Variants in DISC1 observed in about 807,000 individuals in gnomAD.
The protein encoded by DISC1 is disrupted in schizophrenia 1 protein.
In DISC1, 57 loss-of-function variants were observed where a neutral mutation model predicts 84.5. The observed-to-expected ratio is 0.67, with a 90% confidence interval of 0.55 to 0.84. The LOEUF (loss-of-function observed/expected upper bound fraction) is 0.84, where lower values mean the gene tolerates loss of function less well. Ranked by LOEUF, DISC1 falls within the 40% of genes least tolerant of loss-of-function variation. The pLI is 0.00. For synonymous variants in DISC1, 411 were observed against 415.2 expected (o/e 0.99, Z 0.12); for missense variants, 1,000 against 1,057.8 (o/e 0.95, Z 0.76).
At position 231,737,532 on chromosome 1, in the gene DISC1, G is replaced by A. The variant is rs75282032; in HGVS notation, c.1118-12394G>A. Among the ~76,000 whole-genome samples the A allele has an allele frequency of 1.8e-3, 276 of 152,314 alleles. 5 individuals carry two copies. The East Asian group carries it at 0.026, about 15-fold the overall frequency. On this transcript the variant is annotated intron_variant, in intron 3 of 12. Transcript: ENST00000439617. The stretch of plus-strand genomic sequence containing the variant: ...ATAAAGAAAAGTCAGAGAAAGGTGA[G>A]TTATGTTTTTTTTGACCACTGGGCC...
chr1:232,039,549 CTTAGAGTATCAT>C lies in DISC1; in HGVS notation c.*2720_*2731del, dbSNP rs1670694367. The C allele has an allele frequency of 6.6e-6, 1 of 152,024 alleles. No individual in the cohort carries two copies. The allele number at this position is 152,024 out of a possible 1,614,324, so 9.4% of individuals were successfully genotyped here. ...AACTCATCTGTTGTCTTTGCTTGGT[CTTAGAGTATCAT>C]TCAGAAAGTCCGCTAAGGGCCAGCG... On this transcript the variant is annotated 3_prime_UTR_variant, in exon 13 of 13. Coordinates refer to ENST00000439617, the MANE Select transcript of DISC1 (RefSeq NM_018662.3).
chr1:231,893,842 G>A (rs1437819107), intron 9 of DISC1, among the ~76,000 whole-genome samples: 2 of 152,158 alleles, frequency 1.3e-5, no homozygotes, highest in Admixed American at 6.5e-5. Context: ...AGAGAAGGAG[G>A]ACTTATGAAC....
At chr1:231,667,143 G>A (rs2062097138) in intron 1 of DISC1, among the ~76,000 whole-genome samples, 1 of 152,174 alleles carries the variant, frequency 6.6e-6, no homozygotes, top group Admixed American at 6.5e-5. Context: ...TTAAAAGAAG[G>A]AGGAACTGGT....
At chr1:231,867,663 G>C (rs1374336032) in intron 9 of DISC1, among the ~76,000 whole-genome samples, 1 of 152,130 alleles carries the variant, frequency 6.6e-6, no homozygotes, top group African/African-American at 2.4e-5. Flanking sequence ...ATTTGTTATT[G>C]TCGTGTTACC....
intron 9 of DISC1, among the ~76,000 whole-genome samples, chr1:231,820,676 A>C (rs1009620272): frequency 6.6e-6 from 1 of 152,152 alleles, no homozygotes; most frequent in South Asian, 2.1e-4. Context: ...AGCCACATGC[A>C]TGTCCAAGTC....
chr1:231,647,603 T>G (rs1423383226), intron 1 of DISC1, among the ~76,000 whole-genome samples: 1 of 152,200 alleles, frequency 6.6e-6, no homozygotes, highest in Non-Finnish European at 1.5e-5. Flanking sequence ...AAGAAAGTCA[T>G]TGGTAGCTTG....
intron 4 of DISC1, among the ~76,000 whole-genome samples, chr1:231,750,798 GTT>G (rs1376349453): frequency 1.3e-5 from 2 of 152,154 alleles, no homozygotes; most frequent in Non-Finnish European, 2.9e-5. Context: ...GGGAACAGGT[GTT>G]TTATGAATGC....
rs114705498 is a variant in DISC1 at position 231,942,189 on chromosome 1, G to A, written c.1982-16639G>A. 2.9e-3 allele frequency among the ~76,000 whole-genome samples: 444 copies of A among 152,294 alleles called. 4 individuals are homozygous for A. Among genetic ancestry groups the A allele is most frequent in the African/African-American group, 0.011 (438 of 41,562 alleles). The stretch of plus-strand genomic sequence containing the variant: ...GAAAGCCAGTGCAGGTATCAAGCAG[G>A]TTTTTCTGGGATCTACTTCCAGGAA... On this transcript the variant is annotated intron_variant, in intron 9 of 12. Coordinates refer to ENST00000439617, the MANE Select transcript of DISC1 (RefSeq NM_018662.3).
At chr1:231,637,957 C>CAATAGTGTTT in intron 1 of DISC1, among the ~76,000 whole-genome samples, 1 of 152,182 alleles carries the variant, frequency 6.6e-6, no homozygotes, top group East Asian at 1.9e-4. Context: ...ACATTCTCAC[C>CAATAGTGTTT]AATAGTGTTT....
At chr1:231,969,484 G>A (rs1008105342) in intron 10 of DISC1, among the ~76,000 whole-genome samples, 1 of 151,910 alleles carries the variant, frequency 6.6e-6, no homozygotes, top group African/African-American at 2.4e-5. Flanking sequence ...GATTTGGGGA[G>A]CTCCAAGGCC....
intron 9 of DISC1, among the ~76,000 whole-genome samples, chr1:231,852,629 T>G (rs2083981602): frequency 6.6e-6 from 1 of 152,266 alleles, no homozygotes; most frequent in Non-Finnish European, 1.5e-5. Flanking sequence ...CTCTGATTCC[T>G]CAGGCTTCAC....
chr1:231,907,088 T>TTCCC lies in DISC1; in HGVS notation c.1982-51732_1982-51729dup, dbSNP rs141647093. 6.2e-3 allele frequency among the ~76,000 whole-genome samples: 259 copies of TTCCC among 41,656 alleles called. 24 individuals carry two copies. The highest frequency in any genetic ancestry group is 9.2e-3 in the African/African-American group (111 of 12,078). The allele number at this position is 41,656 out of a possible 152,430, so 27.3% of individuals were successfully genotyped here. On this transcript the variant is annotated intron_variant, in intron 9 of 12. Transcript: ENST00000439617. ...TTCCTTCCCTCCCTCCCTTCCTTCCTTCCCTCCCTCCTTCCTTCTCTCCTT... is the reference window on the plus strand; with the variant it reads ...TTCCTTCCCTCCCTCCCTTCCTTCCTTCCCTCCCTCCCTCCTTCCTTCTCTCCTT...
intron 4 of DISC1, among the ~76,000 whole-genome samples, chr1:231,752,781 G>C (rs1047332813): frequency 1.3e-5 from 2 of 152,188 alleles, no homozygotes; most frequent in South Asian, 4.1e-4. Context: ...AAACCAGTCA[G>C]TTACTTCCAA....
chr1:231,830,210 G>A (rs903433610), intron 9 of DISC1, among the ~76,000 whole-genome samples: 1 of 152,192 alleles, frequency 6.6e-6, no homozygotes, highest in East Asian at 1.9e-4. Flanking sequence ...CTTCGAGCGG[G>A]ATTAGGGCGG....
intron 6 of DISC1, among the ~76,000 whole-genome samples, chr1:231,794,027 A>AC (rs968811075): frequency 2.0e-5 from 3 of 151,986 alleles, no homozygotes; most frequent in East Asian, 3.9e-4. Flanking sequence ...CAGGTGATCC[A>AC]CCCCCCAAGG....
intron 1 of DISC1, among the ~76,000 whole-genome samples, chr1:231,647,033 A>G (rs2060197331): frequency 6.6e-6 from 1 of 152,114 alleles, no homozygotes; most frequent in African/African-American, 2.4e-5. Flanking sequence ...CTCTGATGGT[A>G]GTTTCTGTTG....
intron 9 of DISC1, among the ~76,000 whole-genome samples, chr1:231,952,693 A>G (rs567839001): frequency 1.1e-5 from 1 of 92,092 alleles, no homozygotes; most frequent in Non-Finnish European, 2.2e-5. Context: ...ATATATGTTT[A>G]TATATATATA....
chr1:231,907,688 C>G (rs2088845663), intron 9 of DISC1, among the ~76,000 whole-genome samples: 1 of 152,026 alleles, frequency 6.6e-6, no homozygotes, highest in Non-Finnish European at 1.5e-5. Context: ...GGGTATATAC[C>G]CAGTAATGGG....
chr1:231,678,428 A>G (rs2063364874), intron 1 of DISC1, among the ~76,000 whole-genome samples: 2 of 152,314 alleles, frequency 1.3e-5, no homozygotes, highest in South Asian at 4.1e-4. Context: ...GATCATCTAT[A>G]GACTGAGAGA....
Sources: allele counts gnomAD v4.1 joint callset (sites outside exome capture counted in the v4.1 genomes callset), GRCh38; gene constraint gnomAD v4.1.1; transcripts MANE v1.5; gene names NCBI Gene and HGNC (gene_info 2026-07-23, HGNC 2026-07-21).